Variants in PPM1H observed in about 807,000 individuals in gnomAD.
PPM1H encodes protein phosphatase 1H.
PPM1H carries 27 observed loss-of-function variants against 54.9 expected under a neutral mutation model. That is an observed-to-expected ratio of 0.49 (90% CI 0.36 to 0.68). The LOEUF is 0.68. PPM1H is among the 30% of genes least tolerant of loss of function. PPM1H has a pLI of 0.00. For missense variants in PPM1H, 596 were observed against 667.8 expected (o/e 0.89, Z 1.19); for synonymous variants, 305 against 270.8 (o/e 1.13, Z -1.24).
At position 62,824,332 on chromosome 12, in the gene PPM1H, A is replaced by T. The variant is rs1868264354; in HGVS notation, c.411+7782T>A. 2.6e-5 allele frequency among the ~76,000 whole-genome samples: 4 copies of T among 152,232 alleles called. No homozygotes were observed. The South Asian group carries it at 8.3e-4, about 32-fold the overall frequency. On this transcript the variant is annotated intron_variant, in intron 2 of 9. Transcript: ENST00000228705. ...TGAAAATGGCCATACTGCCCAAAGT[A>T]ATTTATAGATTCAATGCCATCCCCA...
intron 1 of PPM1H, among the ~76,000 whole-genome samples, chr12:62,890,395 C>T (rs1870741375): frequency 6.6e-6 from 1 of 152,144 alleles, no homozygotes; most frequent in African/African-American, 2.4e-5. Flanking sequence ...AAGGTCAAGA[C>T]TGCAGTGAAC....
intron 1 of PPM1H, among the ~76,000 whole-genome samples, chr12:62,882,519 G>C (rs972400516): frequency 6.6e-6 from 1 of 152,242 alleles, no homozygotes; most frequent in Non-Finnish European, 1.5e-5. Context: ...TAGAGACTTG[G>C]ATCAGACGCA....
chr12:62,691,333 A>G (rs2076081749), intron 7 of PPM1H, among the ~76,000 whole-genome samples: 1 of 152,176 alleles, frequency 6.6e-6, no homozygotes, highest in African/African-American at 2.4e-5. Context: ...AAGAGTAATT[A>G]CCTCCTATGA....
At position 62,689,687 on chromosome 12, in the gene PPM1H, C is replaced by T; in HGVS notation, c.1245+12G>A. 3 of 1,602,944 alleles carry T rather than the reference C, an allele frequency of 1.9e-6. No homozygotes were observed. The highest frequency in any genetic ancestry group is 2.6e-6 in the Non-Finnish European group (3 of 1,171,478). ...TATTGCACAAAATATAAACAAAAAC[C>T]TCATGCGGTACCTCTGGAGCTGAAG... On this transcript the variant is annotated intron_variant, in intron 8 of 9. Coordinates refer to ENST00000228705, the MANE Select transcript of PPM1H (RefSeq NM_020700.2).
intron 4 of PPM1H, among the ~76,000 whole-genome samples, chr12:62,767,231 C>A (rs1233004197): frequency 6.6e-6 from 1 of 152,022 alleles, no homozygotes; most frequent in Admixed American, 6.6e-5. Flanking sequence ...GCTGTAGGTG[C>A]ATAAGATGGC....
At chr12:62,683,169 C>G (rs1386929587) in intron 8 of PPM1H, among the ~76,000 whole-genome samples, 1 of 151,328 alleles carries the variant, frequency 6.6e-6, no homozygotes, top group East Asian at 1.9e-4. Context: ...CTTGGCCTCC[C>G]AAAGTGCTGG....
At chr12:62,716,399 A>G (rs1386994162) in intron 6 of PPM1H, among the ~76,000 whole-genome samples, 1 of 152,198 alleles carries the variant, frequency 6.6e-6, no homozygotes, top group Non-Finnish European at 1.5e-5. Context: ...AGCTCTCATC[A>G]TAGTGTCTGG....
chr12:62,845,362 C>A (rs1868923950), intron 1 of PPM1H, among the ~76,000 whole-genome samples: 1 of 152,196 alleles, frequency 6.6e-6, no homozygotes, highest in Non-Finnish European at 1.5e-5. Flanking sequence ...AACTGTTGAG[C>A]CTATACCTCC....
chr12:62,816,364 G>A (rs537692800), intron 2 of PPM1H, among the ~76,000 whole-genome samples: 4 of 152,306 alleles, frequency 2.6e-5, no homozygotes, highest in South Asian at 2.1e-4. Flanking sequence ...TTTTGAGCAC[G>A]GACGTGACAT....
chr12:62,696,496 C>T (rs1488343947), intron 6 of PPM1H, among the ~76,000 whole-genome samples: 2 of 152,146 alleles, frequency 1.3e-5, no homozygotes, highest in African/African-American at 4.8e-5. Flanking sequence ...CACCTTCTCC[C>T]CCTCCATCTT....
intron 1 of PPM1H, among the ~76,000 whole-genome samples, chr12:62,902,325 G>A (rs554044478): frequency 3.4e-4 from 51 of 152,028 alleles, no homozygotes; most frequent in Admixed American, 2.0e-3. Flanking sequence ...TTGCACTGCA[G>A]CCTGGGCAAA....
At chr12:62,777,572 A>G (rs555692956) in intron 4 of PPM1H, among the ~76,000 whole-genome samples, 24 of 152,362 alleles carry the variant, frequency 1.6e-4, no homozygotes, top group African/African-American at 5.8e-4. Flanking sequence ...CCGAGGATGG[A>G]TTGAGGTGTA....
intron 6 of PPM1H, among the ~76,000 whole-genome samples, chr12:62,717,451 CAGAGAGAG>C (rs60561309): frequency 0.034 from 5,061 of 148,608 alleles, 116 homozygotes; most frequent in East Asian, 0.13. Context: ...CATGCTAATG[CAGAGAGAG>C]AGAGAGAGAG....
chr12:62,772,695 A>G (rs1244393243), intron 4 of PPM1H, among the ~76,000 whole-genome samples: 1 of 152,054 alleles, frequency 6.6e-6, no homozygotes, highest in Non-Finnish European at 1.5e-5. Context: ...ATTCTGGAAA[A>G]CCACTTTCCT....
chr12:62,656,115 G>T (rs139003319), intron 9 of PPM1H, among the ~76,000 whole-genome samples: 1 of 152,208 alleles, frequency 6.6e-6, no homozygotes, highest in Non-Finnish European at 1.5e-5. Flanking sequence ...ATAAATCCTC[G>T]ATTGTCCTCT....
chr12:62,812,647 TGA>T (rs992278233), intron 2 of PPM1H, among the ~76,000 whole-genome samples: 2 of 151,990 alleles, frequency 1.3e-5, no homozygotes, highest in Non-Finnish European at 2.9e-5. Context: ...GGTGAAAAAT[TGA>T]GAGCTTGAAA....
At chr12:62,700,557 C>A (rs2076138583) in intron 6 of PPM1H, among the ~76,000 whole-genome samples, 1 of 152,160 alleles carries the variant, frequency 6.6e-6, no homozygotes, top group Admixed American at 6.5e-5. Flanking sequence ...ACCTTTCAAA[C>A]AAATCCAGAA....
chr12:62,763,403 T>C (rs342148), intron 4 of PPM1H, among the ~76,000 whole-genome samples: 54,307 of 152,136 alleles, frequency 0.36, 9,876 homozygotes, highest in Middle Eastern at 0.47. Context: ...TAAATGTGCA[T>C]GAGTGGGAGC....
At chr12:62,759,332 C>T (rs1349257217) in intron 4 of PPM1H, among the ~76,000 whole-genome samples, 2 of 152,228 alleles carry the variant, frequency 1.3e-5, no homozygotes, top group African/African-American at 4.8e-5. Flanking sequence ...CAATGAACAT[C>T]TCACTGATTT....
Sources: allele counts gnomAD v4.1 joint callset (sites outside exome capture counted in the v4.1 genomes callset), GRCh38; gene constraint gnomAD v4.1.1; transcripts MANE v1.5; gene names NCBI Gene and HGNC (gene_info 2026-07-23, HGNC 2026-07-21).